The following ADCY8 variants were observed in gnomAD, a reference collection of about 807,000 sequenced individuals.
The protein encoded by ADCY8 is adenylate cyclase type 8.
In ADCY8, 51 loss-of-function variants were observed where a neutral mutation model predicts 119.7. That is an observed-to-expected ratio of 0.43 (90% confidence interval 0.34 to 0.54). The LOEUF is 0.54. Ranked by LOEUF, ADCY8 falls within the 20% of genes least tolerant of loss-of-function variation. The probability of loss-of-function intolerance (pLI) is 0.03; values close to 1 mark genes in which losing one functional copy is unlikely to be tolerated. For missense variants in ADCY8, 1,383 were observed against 1,598.8 expected (o/e 0.87, Z 2.30); for synonymous variants, 665 against 651.0 (o/e 1.02, Z -0.33).
Position 130,800,566 on chromosome 8 carries a change from A to G in ADCY8, c.2920T>C (p.Tyr974His). ...CCAACAGCATCATAGGATTGAGAATACAGCTCCTGGACAGAGACACACAGA... is the reference window on the plus strand; with the variant it reads ...CCAACAGCATCATAGGATTGAGAATGCAGCTCCTGGACAGAGACACACAGA... Reference protein sequence around the residue: ...LEKDRDNEELYSQSYDAVGVM... With the variant: ...LEKDRDNEELHSQSYDAVGVM... The change falls in exon 15 of 18, where the codon TAT (tyrosine) becomes CAT (histidine). Residue 974 changes from tyrosine (Y) to histidine (H), a missense_variant. Physicochemically the swap from Tyr to His is moderately conservative, Grantham distance 83 (BLOSUM62 2). This residue lies in a region of ADCY8 where 928 missense variants were observed against 1,163.5 expected (regional missense o/e 0.80). Transcript: ENST00000286355. The G allele has an allele frequency of 6.2e-7, 1 of 1,614,012 alleles. No individual in the cohort carries two copies. Among genetic ancestry groups the G allele is most frequent in the Non-Finnish European group, 8.5e-7 (1 of 1,179,908 alleles).
intron 16 of ADCY8, among the ~76,000 whole-genome samples, chr8:130,784,241 C>T (rs1286474571): frequency 3.1e-5 from 2 of 64,598 alleles, no homozygotes; most frequent in Non-Finnish European, 5.9e-5. Context: ...TGTATATGTG[C>T]TCTTATGTAT....
rs1332662736 is a variant in ADCY8 at position 131,040,664 on chromosome 8, C to A, written c.-331G>T. The A allele has an allele frequency of 4.3e-6, 1 of 229,992 alleles. No homozygotes were observed. The highest frequency in any genetic ancestry group is 1.7e-4 in the South Asian group (1 of 5,742). The allele number at this position is 229,992 out of a possible 1,614,324, so 14.2% of individuals were successfully genotyped here. A position where few individuals can be genotyped will look rare whatever the true frequency, so the allele number is the denominator to read the frequency against. On this transcript the variant is annotated 5_prime_UTR_variant, in exon 1 of 18. Transcript: ENST00000286355. ...CACGCAGCCCCTTCCTGGGCTCAGG[C>A]TCCTTGGTTGATTCTAGGCTCAGCG...
rs112225613 is a variant in ADCY8, at chr8:130,926,309, G to GAAA, written c.1481+10761_1481+10763dup. Among the ~76,000 whole-genome samples, 382 of 143,764 alleles carry GAAA rather than the reference G, an allele frequency of 2.7e-3. 2 individuals carry two copies. The highest frequency in any genetic ancestry group is 7.6e-3 in the African/African-American group (297 of 39,080). 94.3% of individuals were successfully genotyped at this position (143,764 alleles called of 152,430 possible). A position where few individuals can be genotyped will look rare whatever the true frequency, so the allele number is the denominator to read the frequency against. On this transcript the variant is annotated intron_variant, in intron 5 of 17. Coordinates refer to ENST00000286355, the MANE Select transcript of ADCY8 (RefSeq NM_001115.3). ...TCATTGTTCAAGCCTTTGTTTCCAGGAAAAAAAAAAAAACCTTTGGTTCTT... is the reference window on the plus strand; with the variant it reads ...TCATTGTTCAAGCCTTTGTTTCCAGGAAAAAAAAAAAAAAAACCTTTGGTTCTT...
At chr8:130,992,413 A>AGCAAC (rs775851387) in intron 1 of ADCY8, among the ~76,000 whole-genome samples, 62,808 of 125,116 alleles carry the variant, frequency 0.5, 18,248 homozygotes, top group East Asian at 0.84. Context: ...ATATATATAT[A>AGCAAC]TATATATATA....
At chr8:130,944,721 G>T (rs1821057934) in intron 3 of ADCY8, among the ~76,000 whole-genome samples, 1 of 152,192 alleles carries the variant, frequency 6.6e-6, no homozygotes, top group South Asian at 2.1e-4. Flanking sequence ...GTCCATTCAT[G>T]AAATCATTAG....
chr8:131,007,368 CT>C (rs1586650716), intron 1 of ADCY8, among the ~76,000 whole-genome samples: 1 of 152,114 alleles, frequency 6.6e-6, no homozygotes, highest in African/African-American at 2.4e-5. Flanking sequence ...ACTATTTTAC[CT>C]GCAAGGAGAC....
At chr8:130,983,544 C>T (rs778122307) in intron 2 of ADCY8, among the ~76,000 whole-genome samples, 3 of 152,092 alleles carry the variant, frequency 2.0e-5, no homozygotes, top group Non-Finnish European at 4.4e-5. Flanking sequence ...GGCATCTTTG[C>T]TGGGCTGTGT....
At chr8:130,821,485 AG>A in intron 12 of ADCY8, 65 bp from the exon 13 acceptor site, 1 of 1,207,404 alleles carries the variant, frequency 8.3e-7, no homozygotes. Context: ...GAGAAAACTG[AG>A]GTTCAGAAAG....
At chr8:130,985,043 G>C (rs908703077) in intron 2 of ADCY8, among the ~76,000 whole-genome samples, 9 of 152,164 alleles carry the variant, frequency 5.9e-5, no homozygotes, top group Non-Finnish European at 8.8e-5. Context: ...GTGTTTGGAG[G>C]AGGAAGAGGG....
At chr8:130,975,027 C>G (rs1283348201) in intron 2 of ADCY8, among the ~76,000 whole-genome samples, 1 of 152,164 alleles carries the variant, frequency 6.6e-6, no homozygotes, top group Non-Finnish European at 1.5e-5. Context: ...AAATGGGAAG[C>G]TGCTTCACCA....
At chr8:130,916,859 C>T (rs1157054819) in intron 5 of ADCY8, among the ~76,000 whole-genome samples, 3 of 152,156 alleles carry the variant, frequency 2.0e-5, no homozygotes, top group Non-Finnish European at 4.4e-5. Context: ...CTGTTCGGGG[C>T]TCTCAGCTCT....
chr8:130,798,861 GAAAT>G (rs889918745), intron 15 of ADCY8, among the ~76,000 whole-genome samples: 5 of 151,960 alleles, frequency 3.3e-5, no homozygotes, highest in Admixed American at 1.3e-4. Flanking sequence ...CTTCCATTGA[GAAAT>G]GAATGGAAAC....
chr8:130,990,309 G>A (rs1003570910), intron 2 of ADCY8, 84 bp downstream of exon 2: 13 of 1,498,784 alleles, frequency 8.7e-6, no homozygotes, highest in African/African-American at 4.2e-5. Context: ...AAGTCAGGAC[G>A]TGTTTGGGAG....
intron 11 of ADCY8, among the ~76,000 whole-genome samples, chr8:130,841,573 C>A (rs1817143654): frequency 6.6e-6 from 1 of 152,144 alleles, no homozygotes; most frequent in Non-Finnish European, 1.5e-5. Flanking sequence ...TGTCAATGCA[C>A]CATGAATTGC....
At chr8:131,001,624 T>C (rs1822951641) in intron 1 of ADCY8, among the ~76,000 whole-genome samples, 1 of 148,438 alleles carries the variant, frequency 6.7e-6, no homozygotes, top group Non-Finnish European at 1.5e-5. Context: ...ATTTTATATA[T>C]ATACATTATA....
chr8:130,943,325 C>G (rs112103373), intron 4 of ADCY8, 26 bp downstream of exon 4: 95 of 1,533,424 alleles, frequency 6.2e-5, no homozygotes, highest in Non-Finnish European at 7.6e-5. Context: ...CTGCAAAAGA[C>G]GAGGAGGAAA....
At chr8:130,867,993 G>C (rs1818187966) in intron 8 of ADCY8, 47 bp from the exon 9 acceptor site, 1 of 1,273,828 alleles carries the variant, frequency 7.9e-7, no homozygotes, top group African/African-American at 1.5e-5. Flanking sequence ...GCAGAGTGCA[G>C]TGTTTGAGGT....
intron 8 of ADCY8, among the ~76,000 whole-genome samples, chr8:130,879,390 A>G (rs1303392788): frequency 6.6e-6 from 1 of 152,230 alleles, no homozygotes. Context: ...CAAAAGGAGA[A>G]TTATAAAGGC....
intron 1 of ADCY8, among the ~76,000 whole-genome samples, chr8:131,002,001 G>T (rs1484264663): frequency 6.6e-6 from 1 of 152,174 alleles, no homozygotes; most frequent in Non-Finnish European, 1.5e-5. Context: ...CTCACTACGG[G>T]AGTGGATACT....
Sources: gnomAD v4.1 joint callset for allele counts (sites outside exome capture counted in the v4.1 genomes callset) on GRCh38, gnomAD v4.1.1 for gene constraint, gnomAD v4.1.1 regional missense constraint, MANE v1.5 for transcripts, NCBI Gene and HGNC (gene_info 2026-07-23, HGNC 2026-07-21) for gene names.